SKAP1: variants seen among roughly 807,000 people sequenced by gnomAD.
The protein encoded by SKAP1 is src kinase-associated phosphoprotein 1.
SKAP1 carries 44 observed loss-of-function variants against 58.5 expected under a neutral mutation model. That is an observed-to-expected ratio of 0.75 (90% CI 0.59 to 0.97). The LOEUF (loss-of-function observed/expected upper bound fraction) is 0.97, where lower values mean the gene tolerates loss of function less well. Ranked by LOEUF, SKAP1 falls within the 50% of genes least tolerant of loss-of-function variation. The probability of loss-of-function intolerance (pLI) is 0.00; values close to 1 mark genes in which losing one functional copy is unlikely to be tolerated. For synonymous variants in SKAP1, 127 were observed against 149.7 expected (o/e 0.85, Z 1.11); for missense variants, 390 against 435.2 (o/e 0.90, Z 0.92).
chr17:48,329,714 A>C (rs1021543417), intron 4 of SKAP1, among the ~76,000 whole-genome samples: 1 of 152,156 alleles, frequency 6.6e-6, no homozygotes, highest in Non-Finnish European at 1.5e-5. Context: ...TCTAAAAAAA[A>C]CAAAAAAACA....
intron 4 of SKAP1, among the ~76,000 whole-genome samples, chr17:48,220,460 G>A (rs961884104): frequency 2.0e-5 from 3 of 152,172 alleles, no homozygotes; most frequent in African/African-American, 4.8e-5. Context: ...AGTATATATA[G>A]TATGAATCTG....
At chr17:48,378,666 T>G (rs569326959) in intron 2 of SKAP1, among the ~76,000 whole-genome samples, 1 of 152,140 alleles carries the variant, frequency 6.6e-6, no homozygotes, top group Non-Finnish European at 1.5e-5. Context: ...CCATGATCCT[T>G]TGAGGCTCAG....
chr17:48,143,189 CTT>C (rs1329483693), intron 11 of SKAP1, among the ~76,000 whole-genome samples: 19 of 106,286 alleles, frequency 1.8e-4, no homozygotes, highest in Non-Finnish European at 1.3e-4. Context: ...AATTCTTTAG[CTT>C]TTTTTTTTTT....
intron 1 of SKAP1, among the ~76,000 whole-genome samples, chr17:48,405,413 CTTTCTTT>C (rs1166905898): frequency 2.7e-5 from 2 of 74,004 alleles, no homozygotes; most frequent in African/African-American, 1.1e-4. Flanking sequence ...TTCTTTCTTT[CTTTCTTT>C]CTTTCTTTCT....
chr17:48,282,787 GAAAGA>G (rs1376012393), intron 4 of SKAP1, among the ~76,000 whole-genome samples: 1 of 151,452 alleles, frequency 6.6e-6, no homozygotes, highest in African/African-American at 2.4e-5. Flanking sequence ...AAAAAAAAAA[GAAAGA>G]AAAGAAAAAA....
intron 2 of SKAP1, among the ~76,000 whole-genome samples, chr17:48,379,577 A>G (rs2067189225): frequency 6.6e-6 from 1 of 152,158 alleles, no homozygotes; most frequent in Admixed American, 6.5e-5. Flanking sequence ...ATTATTTCAC[A>G]CTTTTCCTAA....
chr17:48,300,174 T>C (rs1182565277), intron 4 of SKAP1, among the ~76,000 whole-genome samples: 1 of 152,136 alleles, frequency 6.6e-6, no homozygotes, highest in African/African-American at 2.4e-5. Context: ...GCTCTGCCAT[T>C]CTCAGTCAAG....
At chr17:48,171,618 A>G (rs917224743) in intron 9 of SKAP1, among the ~76,000 whole-genome samples, 1 of 152,162 alleles carries the variant, frequency 6.6e-6, no homozygotes, top group African/African-American at 2.4e-5. Flanking sequence ...TATCACCAGA[A>G]TCCTAATCCT....
At chr17:48,399,617 A>C (rs558999084) in intron 1 of SKAP1, among the ~76,000 whole-genome samples, 147 of 152,196 alleles carry the variant, frequency 9.7e-4, no homozygotes, top group African/African-American at 3.3e-3. Flanking sequence ...TTTTTAAAAA[A>C]TTGGCTGGGC....
upstream of SKAP1, among the ~76,000 whole-genome samples, chr17:48,434,139 T>C (rs1266642939): frequency 2.0e-5 from 3 of 152,224 alleles, no homozygotes; most frequent in Non-Finnish European, 4.4e-5. Flanking sequence ...AGCCACTGCC[T>C]CTCAGCCTCT....
chr17:48,321,620 C>T (rs1349665911), intron 4 of SKAP1, among the ~76,000 whole-genome samples: 3 of 151,970 alleles, frequency 2.0e-5, no homozygotes, highest in Admixed American at 6.5e-5. Flanking sequence ...CCTTGTGATC[C>T]GCCAGCCTCG....
the SKAP1 span, among the ~76,000 whole-genome samples, chr17:48,444,811 G>T: frequency 1.3e-5 from 2 of 152,170 alleles, no homozygotes; most frequent in African/African-American, 2.4e-5. Flanking sequence ...GGAAGTGAAG[G>T]TTGGAGGGAA....
At position 48,287,685 on chromosome 17, in the gene SKAP1, G is replaced by T. The variant is rs2957934; in HGVS notation, c.280+58220C>A. ...AAAACAGGGTTAAATTGATTAGTTT[G>T]CTTGCTATTATTTATCAGTTAGTTA... On this transcript the variant is annotated intron_variant, in intron 4 of 12. Transcript: ENST00000336915. Among the ~76,000 whole-genome samples the T allele has an allele frequency of 6.1e-4, 93 of 152,224 alleles. No homozygotes were observed. In the East Asian group the frequency reaches 0.016, roughly 27 times the overall value.
intron 4 of SKAP1, among the ~76,000 whole-genome samples, chr17:48,303,847 T>C (rs978183177): frequency 5.9e-5 from 9 of 152,206 alleles, no homozygotes; most frequent in African/African-American, 1.9e-4. Context: ...ACTGTCAATG[T>C]TTGGGAAACC....
intron 4 of SKAP1, among the ~76,000 whole-genome samples, chr17:48,327,820 C>A (rs8069109): frequency 6.6e-6 from 1 of 152,026 alleles, no homozygotes; most frequent in Non-Finnish European, 1.5e-5. Flanking sequence ...TTTTCAGAGA[C>A]GGGGTTTTGC....
intron 4 of SKAP1, among the ~76,000 whole-genome samples, chr17:48,211,122 A>T (rs980143626): frequency 2.0e-5 from 3 of 152,258 alleles, no homozygotes; most frequent in South Asian, 2.1e-4. Flanking sequence ...GGAGAAAAAT[A>T]AAAATGCCAT....
intron 1 of SKAP1, among the ~76,000 whole-genome samples, chr17:48,402,404 A>G (rs1480087789): frequency 6.6e-6 from 1 of 151,208 alleles, no homozygotes; most frequent in African/African-American, 2.4e-5. Flanking sequence ...ATCTCAGCTC[A>G]CTGCAACCTC....
intron 4 of SKAP1, chr17:48,308,508 G>A (rs1298900989): frequency 6.6e-6 from 1 of 152,172 alleles, no homozygotes. Context: ...AATACTGCAA[G>A]GCTTTAAAAG....
Position 48,197,257 on chromosome 17 carries a change from C to CAAAAA in SKAP1, c.281-7762_281-7758dup, listed in dbSNP as rs35979686. On this transcript the variant is annotated intron_variant, in intron 4 of 12. Transcript: ENST00000336915. ...TAGGTGATAGAGCGAGACTCCGACT[C>CAAAAA]AAAAAAAAAAAAAAAAAAAATGCTG... Among the ~76,000 whole-genome samples the CAAAAA allele has an allele frequency of 6.0e-4, 58 of 97,472 alleles. 1 individual carries two copies. The highest frequency in any genetic ancestry group is 6.5e-4 in the Non-Finnish European group (33 of 50,436). 63.9% of individuals were successfully genotyped at this position (97,472 alleles called of 152,430 possible).
Sources: allele counts gnomAD v4.1 joint callset (sites outside exome capture counted in the v4.1 genomes callset), GRCh38; gene constraint gnomAD v4.1.1; transcripts MANE v1.5; gene names NCBI Gene and HGNC (gene_info 2026-07-23, HGNC 2026-07-21).